The following WDR64 variants were observed in gnomAD, a reference collection of about 807,000 sequenced individuals.
The protein encoded by WDR64 is WD repeat-containing protein 64.
Under a neutral mutation model 139.3 loss-of-function variants are expected in WDR64, and 112 were observed. The observed-to-expected ratio is 0.80, with a 90% CI of 0.69 to 0.94. The LOEUF (loss-of-function observed/expected upper bound fraction) is 0.94, where lower values mean the gene tolerates loss of function less well. Ranked by LOEUF, WDR64 falls within the 40% of genes least tolerant of loss-of-function variation. The pLI, the probability that WDR64 is intolerant of heterozygous loss-of-function variation, is 0.00. For synonymous variants in WDR64, 444 were observed against 437.7 expected (o/e 1.01, Z -0.18); for missense variants, 1,206 against 1,293.1 (o/e 0.93, Z 1.03).
intron 8 of WDR64, among the ~76,000 whole-genome samples, chr1:241,694,984 TAA>T (rs1297582309): frequency 1.3e-5 from 2 of 152,130 alleles, no homozygotes. Context: ...CATACAGACA[TAA>T]AGTCAGTGGT....
At position 241,728,962 on chromosome 1, in the gene WDR64, A is replaced by G. The variant is rs185908974; in HGVS notation, c.1194+5526A>G. Among the ~76,000 whole-genome samples the G allele has an allele frequency of 8.9e-4, 135 of 152,294 alleles. 1 individual carries two copies. The highest frequency in any genetic ancestry group is 3.1e-3 in the African/African-American group (128 of 41,568). ...TAGAAACCTGAGAAAAGGCAGTTTG[A>G]CTAGATTGTGAGTGTGCATATCTTC... is the stretch of plus-strand genomic sequence containing the variant. On this transcript the variant is annotated intron_variant, in intron 10 of 27. Coordinates refer to ENST00000437684, the MANE Select transcript of WDR64 (RefSeq NM_001367482.1).
chr1:241,779,950 G>A, intron 21 of WDR64, 54 bp from the exon 22 acceptor site: 2 of 1,372,828 alleles, frequency 1.5e-6, no homozygotes. Context: ...GGATAGTATT[G>A]ATTTAGATAA....
intron 23 of WDR64, among the ~76,000 whole-genome samples, chr1:241,784,953 G>GAAAAAAAAAAAAAAAAAAAAAAAAA (rs58720618): frequency 1.1e-4 from 7 of 62,244 alleles, no homozygotes; most frequent in African/African-American, 3.8e-4. Flanking sequence ...GACTCTGTCT[G>GAAAAAAAAAAAAAAAAAAAAAAAAA]AAAAAAAAAA....
chr1:241,660,698 A>G, intron 2 of WDR64, 38 bp downstream of exon 2: 2 of 1,541,472 alleles, frequency 1.3e-6, no homozygotes. Flanking sequence ...AAATCCAGGT[A>G]TTATTTTTCT....
intron 12 of WDR64, among the ~76,000 whole-genome samples, chr1:241,743,801 C>G (rs13375989): frequency 0.15 from 22,692 of 152,090 alleles, 1,882 homozygotes; most frequent in African/African-American, 0.19. Context: ...TGATTACACC[C>G]ATCCTAATTA....
At chr1:241,708,577 G>A (rs1040864300) in intron 8 of WDR64, among the ~76,000 whole-genome samples, 1 of 152,156 alleles carries the variant, frequency 6.6e-6, no homozygotes, top group South Asian at 2.1e-4. Context: ...GCCTCCCAAA[G>A]TGCTGGGATT....
intron 14 of WDR64, among the ~76,000 whole-genome samples, chr1:241,756,200 A>C (rs1352608854): frequency 6.6e-6 from 1 of 152,088 alleles, no homozygotes; most frequent in Non-Finnish European, 1.5e-5. Flanking sequence ...TGAGCATGGG[A>C]TGTTTTTCCA....
At chr1:241,740,251 G>T (rs1413539344) in intron 11 of WDR64, among the ~76,000 whole-genome samples, 2 of 152,144 alleles carry the variant, frequency 1.3e-5, no homozygotes, top group Non-Finnish European at 2.9e-5. Flanking sequence ...GTAGAAGATT[G>T]CCAGTTTTCC....
rs550077026 is a variant in WDR64, at chr1:241,755,243, A to C, written c.1771-2040A>C. Among the ~76,000 whole-genome samples, 8 of 152,222 alleles carry C rather than the reference A, an allele frequency of 5.3e-5. No homozygotes were observed. In the South Asian group the frequency reaches 1.7e-3, roughly 32 times the overall value. ...CCTCTCCAGCATCTGTTGTTTCCTG[A>C]CTTTTTAATGATTGCCATCTAACTG... On this transcript the variant is annotated intron_variant, in intron 14 of 27. Transcript: ENST00000437684.
chr1:241,708,175 G>A (rs574283942), intron 8 of WDR64, among the ~76,000 whole-genome samples: 3 of 152,090 alleles, frequency 2.0e-5, no homozygotes, highest in African/African-American at 7.2e-5. Flanking sequence ...CCATCAAATG[G>A]GGGTAGAAAA....
chr1:241,709,531 T>C (rs1668082757), intron 8 of WDR64, among the ~76,000 whole-genome samples: 1 of 152,138 alleles, frequency 6.6e-6, no homozygotes, highest in Non-Finnish European at 1.5e-5. Flanking sequence ...GGAGGATCGC[T>C]TGAGTCCAAC....
At chr1:241,655,080 C>A (rs572057872) in intron 1 of WDR64, among the ~76,000 whole-genome samples, 1 of 152,212 alleles carries the variant, frequency 6.6e-6, no homozygotes, top group East Asian at 1.9e-4. Context: ...ATTACAACAG[C>A]CTATTACTGT....
At chr1:241,756,664 C>CATAG (rs1670203486) in intron 14 of WDR64, among the ~76,000 whole-genome samples, 1 of 152,126 alleles carries the variant, frequency 6.6e-6, no homozygotes, top group African/African-American at 2.4e-5. Context: ...TGAGAGTGAA[C>CATAG]ATAGCTAAAC....
chr1:241,704,639 T>C (rs1667864240), intron 8 of WDR64, among the ~76,000 whole-genome samples: 1 of 152,164 alleles, frequency 6.6e-6, no homozygotes. Context: ...AATAGAGTAA[T>C]TACATCTAAA....
At chr1:241,758,982 T>A (rs560680056) in intron 15 of WDR64, among the ~76,000 whole-genome samples, 6 of 152,198 alleles carry the variant, frequency 3.9e-5, no homozygotes, top group Non-Finnish European at 5.9e-5. Flanking sequence ...TAAGGTTATA[T>A]GGCTTTTACT....
intron 21 of WDR64, among the ~76,000 whole-genome samples, chr1:241,776,737 T>C (rs1658668751): frequency 1.3e-5 from 2 of 152,228 alleles, no homozygotes; most frequent in South Asian, 2.1e-4. Flanking sequence ...CTTTGCCTAG[T>C]ATGTGGCAAG....
chr1:241,788,078 A>C (rs1297214026), intron 24 of WDR64, 44 bp downstream of exon 24: 1 of 1,496,972 alleles, frequency 6.7e-7, no homozygotes, highest in African/African-American at 1.4e-5. Flanking sequence ...CAAGAATCAA[A>C]CTGTTGAGAT....
chr1:241,653,776 C>A (rs1665464818), intron 1 of WDR64, among the ~76,000 whole-genome samples: 1 of 152,008 alleles, frequency 6.6e-6, no homozygotes, highest in South Asian at 2.1e-4. Flanking sequence ...AACTCTTGAC[C>A]TCAGGTGATC....
intron 14 of WDR64, among the ~76,000 whole-genome samples, chr1:241,757,011 G>A (rs1341847855): frequency 6.6e-6 from 1 of 150,396 alleles, no homozygotes; most frequent in African/African-American, 2.5e-5. Flanking sequence ...CTTAAAGTCT[G>A]AAAGCACTAT....
Sources: allele counts gnomAD v4.1 joint callset (sites outside exome capture counted in the v4.1 genomes callset), GRCh38; gene constraint gnomAD v4.1.1; transcripts MANE v1.5; gene names NCBI Gene and HGNC (gene_info 2026-07-23, HGNC 2026-07-21).